The following PBX1 variants were observed in gnomAD, a reference collection of about 807,000 sequenced individuals.
PBX1 encodes the protein pre-B-cell leukemia transcription factor 1.
Under a neutral mutation model 53.4 loss-of-function variants are expected in PBX1, and 6 were observed. The observed-to-expected ratio is 0.11, with a 90% CI of 0.06 to 0.22. The LOEUF (loss-of-function observed/expected upper bound fraction) is 0.22. Ranked by LOEUF, PBX1 falls within the 10% of genes least tolerant of loss-of-function variation. The pLI is 1.00. For synonymous variants in PBX1, 204 were observed against 212.3 expected (o/e 0.96, Z 0.34); for missense variants, 251 against 551.4 (o/e 0.46, Z 5.46).
chr1:164,727,835 A>G (rs373094974), intron 2 of PBX1, among the ~76,000 whole-genome samples: 25 of 152,220 alleles, frequency 1.6e-4, no homozygotes, highest in African/African-American at 5.8e-4. Context: ...CCCAACCTGT[A>G]GGAAGTACTT....
chr1:164,595,383 G>C (rs1240555545), intron 2 of PBX1, among the ~76,000 whole-genome samples: 1 of 152,180 alleles, frequency 6.6e-6, no homozygotes, highest in East Asian at 1.9e-4. Flanking sequence ...GTGGTCCCAC[G>C]GTGGCAAGTT....
intron 2 of PBX1, among the ~76,000 whole-genome samples, chr1:164,719,060 G>T (rs1664266331): frequency 6.6e-6 from 1 of 152,078 alleles, no homozygotes; most frequent in Non-Finnish European, 1.5e-5. Context: ...ACTCAGCCTT[G>T]CTCACAGGCA....
chr1:164,693,837 C>T (rs181109976), intron 2 of PBX1, among the ~76,000 whole-genome samples: 17 of 152,290 alleles, frequency 1.1e-4, no homozygotes, highest in Admixed American at 2.0e-4. Context: ...CTTTTCACAA[C>T]GTGCAGCTAA....
rs1210005227 is a variant in PBX1, at chr1:164,712,008, C to T, written c.266-80486C>T. On this transcript the variant is annotated intron_variant, in intron 2 of 8. Transcript: ENST00000420696. ...TGCTGGTTGTTGGTTTTTGTGTGCC[C>T]CCCCACCTCAAACCCCCCCACCGTA... 4.9e-5 allele frequency among the ~76,000 whole-genome samples: 7 copies of T among 143,466 alleles called. No homozygotes were observed. In the South Asian group the frequency reaches 1.8e-3, roughly 37 times the overall value. The allele number at this position is 143,466 out of a possible 152,430, so 94.1% of individuals were successfully genotyped here.
At chr1:164,793,477 C>T (rs537678313) in intron 3 of PBX1, among the ~76,000 whole-genome samples, 75 of 152,170 alleles carry the variant, frequency 4.9e-4, no homozygotes, top group African/African-American at 1.8e-3. Context: ...TTTGGAGTCA[C>T]GGATGTGAAG....
At chr1:164,743,611 CAGTTAA>C (rs751750239) in intron 2 of PBX1, among the ~76,000 whole-genome samples, 1 of 152,062 alleles carries the variant, frequency 6.6e-6, no homozygotes, top group Non-Finnish European at 1.5e-5. Flanking sequence ...AACACTGTAT[CAGTTAA>C]AGTTAAGTCT....
intron 2 of PBX1, among the ~76,000 whole-genome samples, chr1:164,735,181 A>G (rs1445214061): frequency 6.6e-6 from 1 of 152,218 alleles, no homozygotes; most frequent in Non-Finnish European, 1.5e-5. Context: ...TTGTAAAATG[A>G]ACTGTTTAGA....
At chr1:164,677,713 G>C (rs906540806) in intron 2 of PBX1, among the ~76,000 whole-genome samples, 1 of 152,050 alleles carries the variant, frequency 6.6e-6, no homozygotes, top group African/African-American at 2.4e-5. Flanking sequence ...AGAAATCTTA[G>C]TGTGTGCAGG....
chr1:164,788,385 TG>T (rs951564520), intron 2 of PBX1, among the ~76,000 whole-genome samples: 4 of 148,268 alleles, frequency 2.7e-5, no homozygotes, highest in Non-Finnish European at 4.4e-5. Flanking sequence ...TTAATGTTGG[TG>T]TTTTTTTTTT....
At chr1:164,707,410 TGTGTGTGTGAGAGAGAGA>T (rs774283913) in intron 2 of PBX1, among the ~76,000 whole-genome samples, 2,145 of 110,738 alleles carry the variant, frequency 0.019, 21 homozygotes, top group Non-Finnish European at 0.026. Flanking sequence ...TGTGTGTGTG[TGTGTGTGTGAGAGAGAGA>T]GAGAGAGAGA....
chr1:164,851,912 A>G (rs1261197158), downstream of PBX1: 4 of 156,872 alleles, frequency 2.5e-5, no homozygotes, highest in Non-Finnish European at 4.2e-5. Flanking sequence ...AGTGTAGATT[A>G]TGGTTTAAAC....
chr1:164,730,823 T>C (rs1329917942), intron 2 of PBX1, among the ~76,000 whole-genome samples: 1 of 152,238 alleles, frequency 6.6e-6, no homozygotes, highest in Non-Finnish European at 1.5e-5. Context: ...ATTATTCTTT[T>C]ACAGTATTTT....
chr1:164,746,182 G>C (rs1156775203), intron 2 of PBX1, among the ~76,000 whole-genome samples: 1 of 152,170 alleles, frequency 6.6e-6, no homozygotes, highest in African/African-American at 2.4e-5. Context: ...TATGTTTCCT[G>C]TGTTTGGCAT....
intron 2 of PBX1, chr1:164,674,847 G>GCCCCCCCCCC (rs78130048): frequency 4.9e-5 from 2 of 40,616 alleles, no homozygotes; most frequent in Non-Finnish European, 1.2e-4. Context: ...AGAAATCACA[G>GCCCCCCCCCC]CCCCCCCCCC....
At chr1:164,807,435 C>A (rs763715047) in intron 4 of PBX1, 107 bp from the exon 5 acceptor site, 104 of 1,397,968 alleles carry the variant, frequency 7.4e-5, no homozygotes, top group Non-Finnish European at 9.4e-5. Flanking sequence ...TCCAAATTCA[C>A]CTTTTGCTCA....
At chr1:164,751,183 T>C (rs930257680) in intron 2 of PBX1, among the ~76,000 whole-genome samples, 26 of 151,546 alleles carry the variant, frequency 1.7e-4, no homozygotes, top group Non-Finnish European at 3.5e-4. Context: ...GGCATGGTGG[T>C]GCATGCCTGT....
chr1:164,726,616 A>G (rs1344540916), intron 2 of PBX1, among the ~76,000 whole-genome samples: 1 of 152,242 alleles, frequency 6.6e-6, no homozygotes, highest in Non-Finnish European at 1.5e-5. Flanking sequence ...TACGCTTGAC[A>G]TCTATTGAGT....
At chr1:164,666,892 G>A (rs552942876) in intron 2 of PBX1, among the ~76,000 whole-genome samples, 15 of 152,288 alleles carry the variant, frequency 9.8e-5, no homozygotes, top group African/African-American at 3.4e-4. Flanking sequence ...AACCCTTTAA[G>A]GCAGGCAATG....
chr1:164,795,296 TG>T (rs1241458172), intron 3 of PBX1, among the ~76,000 whole-genome samples: 1 of 152,230 alleles, frequency 6.6e-6, no homozygotes, highest in Non-Finnish European at 1.5e-5. Context: ...GACTCCACTT[TG>T]TAAGAAGAGA....
Sources: gnomAD v4.1 joint callset for allele counts (sites outside exome capture counted in the v4.1 genomes callset) on GRCh38, gnomAD v4.1.1 for gene constraint, MANE v1.5 for transcripts, NCBI Gene and HGNC (gene_info 2026-07-23, HGNC 2026-07-21) for gene names.